SLC39A11: variants seen among roughly 807,000 people sequenced by gnomAD.
SLC39A11 encodes solute carrier family 39 member 11, also known as zinc transporter ZIP11.
SLC39A11 carries 33 observed loss-of-function variants against 36.1 expected under a neutral mutation model. That is an observed-to-expected ratio of 0.91 (90% CI 0.69 to 1.22). The LOEUF is 1.22. Ranked by LOEUF, SLC39A11 falls within the 50% of genes most tolerant of loss-of-function variation. The pLI is 0.00. For missense variants in SLC39A11, 432 were observed against 430.3 expected (o/e 1.00, Z -0.03); for synonymous variants, 166 against 170.3 (o/e 0.97, Z 0.20).
At chr17:73,061,682 C>A (rs2144247894) in intron 3 of SLC39A11, among the ~76,000 whole-genome samples, 1 of 152,258 alleles carries the variant, frequency 6.6e-6, no homozygotes. Flanking sequence ...TTTCTGAGTC[C>A]TTAAAGCTTC....
At chr17:72,894,007 T>C (rs2081896594) in intron 5 of SLC39A11, among the ~76,000 whole-genome samples, 1 of 152,146 alleles carries the variant, frequency 6.6e-6, no homozygotes, top group Non-Finnish European at 1.5e-5. Context: ...GCAGTGAGTG[T>C]GATCAGTATG....
intron 3 of SLC39A11, among the ~76,000 whole-genome samples, chr17:73,081,309 A>T (rs1002984035): frequency 1.3e-5 from 2 of 152,178 alleles, no homozygotes; most frequent in Non-Finnish European, 2.9e-5. Context: ...TAATGAAAAA[A>T]TCAGAATATA....
At chr17:72,763,991 C>T (rs1045853259) in intron 6 of SLC39A11, among the ~76,000 whole-genome samples, 1 of 152,080 alleles carries the variant, frequency 6.6e-6, no homozygotes, top group African/African-American at 2.4e-5. Flanking sequence ...CTCTGCTTGA[C>T]TTGTCTTCTC....
chr17:72,729,260 GCA>G (rs1319387055), intron 7 of SLC39A11, among the ~76,000 whole-genome samples: 5 of 147,712 alleles, frequency 3.4e-5, no homozygotes, highest in African/African-American at 9.9e-5. Context: ...TTTTTTTGAG[GCA>G]CAGTCTCTCT....
At chr17:72,650,107 G>A (rs1249595074) in intron 7 of SLC39A11, among the ~76,000 whole-genome samples, 2 of 152,232 alleles carry the variant, frequency 1.3e-5, no homozygotes, top group East Asian at 1.9e-4. Flanking sequence ...AGCTGCAGAC[G>A]CTGATGGTGC....
intron 7 of SLC39A11, among the ~76,000 whole-genome samples, chr17:72,730,420 T>C (rs967308902): frequency 6.6e-6 from 1 of 152,220 alleles, no homozygotes; most frequent in Non-Finnish European, 1.5e-5. Context: ...TTGCCTTGTA[T>C]CTTTCTTCCT....
intron 5 of SLC39A11, among the ~76,000 whole-genome samples, chr17:72,871,056 G>GTTTTTTTTTTTTTTTTGTTTTTTTTTT (rs2080592683): frequency 3.2e-5 from 4 of 124,314 alleles, no homozygotes; most frequent in African/African-American, 6.2e-5. Context: ...TTTTGTTTTT[G>GTTTTTTTTTTTTTTTTGTTTTTTTTTT]TTTTTTTTTT....
At chr17:72,863,358 G>A (rs938521493) in intron 5 of SLC39A11, among the ~76,000 whole-genome samples, 2 of 152,046 alleles carry the variant, frequency 1.3e-5, no homozygotes, top group East Asian at 3.9e-4. Context: ...GCAAGTGTCA[G>A]CATATGCAAC....
At chr17:72,873,971 G>C (rs923239475) in intron 5 of SLC39A11, among the ~76,000 whole-genome samples, 14 of 152,092 alleles carry the variant, frequency 9.2e-5, no homozygotes, top group Non-Finnish European at 2.9e-5. Flanking sequence ...ACTCTTTCTT[G>C]TGCTGCCTGT....
At chr17:72,933,425 T>C (rs1189617398) in intron 5 of SLC39A11, among the ~76,000 whole-genome samples, 1 of 152,196 alleles carries the variant, frequency 6.6e-6, no homozygotes, top group African/African-American at 2.4e-5. Context: ...TTGGAGAATA[T>C]ACCATGTTCA....
intron 6 of SLC39A11, among the ~76,000 whole-genome samples, chr17:72,844,064 G>A (rs1255479567): frequency 1.3e-5 from 2 of 152,140 alleles, no homozygotes; most frequent in African/African-American, 4.8e-5. Context: ...TAGTCATTGT[G>A]AAAAGTCTGT....
At chr17:72,688,356 T>C (rs2071852814) in intron 7 of SLC39A11, among the ~76,000 whole-genome samples, 1 of 152,232 alleles carries the variant, frequency 6.6e-6, no homozygotes. Context: ...ATGTGAATAT[T>C]TTCCAGGCAA....
intron 3 of SLC39A11, among the ~76,000 whole-genome samples, chr17:73,039,239 AT>A (rs2059028310): frequency 1.3e-5 from 2 of 152,076 alleles, no homozygotes; most frequent in African/African-American, 4.8e-5. Context: ...GCTGTTTTGG[AT>A]TCATCCCTCT....
chr17:73,058,695 C>G (rs1171312950), intron 3 of SLC39A11, among the ~76,000 whole-genome samples: 1 of 152,154 alleles, frequency 6.6e-6, no homozygotes, highest in African/African-American at 2.4e-5. Flanking sequence ...TGCACTCCAG[C>G]CTGGCTGACA....
chr17:72,865,321 G>A (rs1420694217), intron 5 of SLC39A11, among the ~76,000 whole-genome samples: 3 of 145,114 alleles, frequency 2.1e-5, no homozygotes, highest in Non-Finnish European at 1.5e-5. Flanking sequence ...GCAGACAGGT[G>A]AAATAGGGGG....
At chr17:72,916,781 C>A (rs758175899) in intron 5 of SLC39A11, among the ~76,000 whole-genome samples, 1 of 152,134 alleles carries the variant, frequency 6.6e-6, no homozygotes, top group Non-Finnish European at 1.5e-5. Flanking sequence ...AAAAGGCTTC[C>A]CCATCTCCCT....
chr17:72,910,531 C>T (rs1030650155), intron 5 of SLC39A11, among the ~76,000 whole-genome samples: 2 of 137,656 alleles, frequency 1.5e-5, no homozygotes, highest in Admixed American at 7.8e-5. Flanking sequence ...GGCTGAGGTG[C>T]GAGAATCGCT....
At chr17:72,974,186 A>G (rs1050483084) in intron 4 of SLC39A11, among the ~76,000 whole-genome samples, 8 of 151,964 alleles carry the variant, frequency 5.3e-5, no homozygotes, top group African/African-American at 1.7e-4. Context: ...CGCAACCTCT[A>G]CCTCCCAGGT....
intron 4 of SLC39A11, among the ~76,000 whole-genome samples, chr17:72,970,085 C>G (rs141966539): frequency 6.6e-6 from 1 of 152,214 alleles, no homozygotes; most frequent in African/African-American, 2.4e-5. Flanking sequence ...TGTTAATAGT[C>G]CCCAAACCAT....
Sources: gnomAD v4.1 joint callset for allele counts (sites outside exome capture counted in the v4.1 genomes callset) on GRCh38, gnomAD v4.1.1 for gene constraint, MANE v1.5 for transcripts, NCBI Gene and HGNC (gene_info 2026-07-23, HGNC 2026-07-21) for gene names.